CC2D2B: variants seen among roughly 807,000 people sequenced by gnomAD.
CC2D2B encodes protein CC2D2B.
A neutral mutation model predicts 161.2 loss-of-function variants in CC2D2B; 128 were observed. That is an observed-to-expected ratio of 0.79 (90% confidence interval 0.69 to 0.92). CC2D2B has a LOEUF of 0.92. CC2D2B is among the 40% of genes least tolerant of loss of function. The pLI, the probability that CC2D2B is intolerant of heterozygous loss-of-function variation, is 0.00. For missense variants in CC2D2B, 1,173 were observed against 1,375.1 expected, an observed-to-expected ratio of 0.85 and a Z score of 2.32; for synonymous variants, 391 against 449.8, an observed-to-expected ratio of 0.87 and a Z score of 1.65.
At chr10:96,008,168 C>CTT (rs56354333) in intron 25 of CC2D2B, among the ~76,000 whole-genome samples, 49,801 of 130,204 alleles carry the variant, frequency 0.38, 9,887 homozygotes, top group East Asian at 0.71. Context: ...GGTATGTGTT[C>CTT]TTTTTTTTTT....
intron 9 of CC2D2B, among the ~76,000 whole-genome samples, chr10:95,942,463 GC>G (rs1181292720): frequency 6.6e-6 from 1 of 151,844 alleles, no homozygotes; most frequent in African/African-American, 2.4e-5. Context: ...ATAATTTTCT[GC>G]CATATTTTAT....
intron 6 of CC2D2B, among the ~76,000 whole-genome samples, chr10:95,928,076 T>G (rs2098542740): frequency 6.6e-6 from 1 of 152,134 alleles, no homozygotes; most frequent in Non-Finnish European, 1.5e-5. Flanking sequence ...TTGACACCTC[T>G]TGGTCCCTCC....
intron 6 of CC2D2B, among the ~76,000 whole-genome samples, chr10:95,934,549 C>A (rs1267194289): frequency 6.6e-6 from 1 of 152,192 alleles, no homozygotes; most frequent in Non-Finnish European, 1.5e-5. Flanking sequence ...ACGTAGGCCC[C>A]CAAGGGAATC....
rs1323652282 is a variant in CC2D2B at position 96,019,460 on chromosome 10, G to A, written c.3765+123G>A. ...ATCAGATTCCCTAGGGCATGGGGCC[G>A]GGGCAATCTTTTATCACTAAAGCTC... On this transcript the variant is annotated intron_variant, in intron 31 of 34. Coordinates refer to ENST00000646931, the MANE Select transcript of CC2D2B (RefSeq NM_001349008.3). 22 of 1,057,222 alleles carry A rather than the reference G, an allele frequency of 2.1e-5. No homozygotes were observed. The East Asian group carries it at 2.7e-4, about 13-fold the overall frequency. 65.5% of individuals were successfully genotyped at this position (1,057,222 alleles called of 1,614,324 possible). A position where few individuals can be genotyped will look rare whatever the true frequency, so the allele number is the denominator to read the frequency against.
chr10:95,954,628 T>G (rs1297770182), intron 10 of CC2D2B, among the ~76,000 whole-genome samples: 1 of 152,202 alleles, frequency 6.6e-6, no homozygotes, highest in African/African-American at 2.4e-5. Context: ...ACCTTCTATT[T>G]TTAAAACCCT....
chr10:95,912,962 T>C (rs1381279389), intron 2 of CC2D2B, among the ~76,000 whole-genome samples: 1 of 152,156 alleles, frequency 6.6e-6, no homozygotes, highest in African/African-American at 2.4e-5. Context: ...TTTCTTTGTG[T>C]TATAAACATT....
At position 95,915,796 on chromosome 10, in the gene CC2D2B, C is replaced by A. The variant is rs143628450; in HGVS notation, c.36+4437C>A. 3.2e-4 allele frequency among the ~76,000 whole-genome samples: 48 copies of A among 152,158 alleles called. 1 individual carries two copies. The highest frequency in any genetic ancestry group is 1.1e-3 in the African/African-American group (45 of 41,512). ...GATCTCTTTAATATGATGTTGAATT[C>A]GGCTTGCTAGTATTTTGTTGAGGAT... On this transcript the variant is annotated intron_variant, in intron 2 of 34. Coordinates refer to ENST00000646931, the MANE Select transcript of CC2D2B (RefSeq NM_001349008.3).
At chr10:95,985,966 C>T (rs1023787129) in intron 19 of CC2D2B, among the ~76,000 whole-genome samples, 2 of 152,036 alleles carry the variant, frequency 1.3e-5, no homozygotes, top group Admixed American at 6.6e-5. Context: ...TTGGTCAGAC[C>T]GGTTGTCTGC....
intron 30 of CC2D2B, chr10:96,018,964 A>C: frequency 3.1e-6 from 1 of 326,622 alleles, no homozygotes; most frequent in Non-Finnish European, 5.6e-6. Context: ...TGTGCCCAGC[A>C]AATTAAAAAA....
At chr10:96,012,413 A>C in intron 27 of CC2D2B, 46 bp downstream of exon 27, 1 of 723,494 alleles carries the variant, frequency 1.4e-6, no homozygotes, top group South Asian at 1.7e-5. Context: ...TCAAAGAGGT[A>C]TGAACTATTT....
chr10:95,929,509 T>C (rs146211236), intron 6 of CC2D2B, among the ~76,000 whole-genome samples: 2,829 of 152,318 alleles, frequency 0.019, 35 homozygotes, highest in Middle Eastern at 0.054. Context: ...GGTTTTCTTC[T>C]AGGGTTTTTA....
chr10:95,997,169 TA>T (rs1443812122), intron 24 of CC2D2B, among the ~76,000 whole-genome samples: 3 of 152,258 alleles, frequency 2.0e-5, no homozygotes, highest in African/African-American at 7.2e-5. Context: ...AAGACATTGT[TA>T]TTTTTTTATT....
At chr10:95,986,617 G>C (rs1379748190) in intron 19 of CC2D2B, among the ~76,000 whole-genome samples, 1 of 152,082 alleles carries the variant, frequency 6.6e-6, no homozygotes, top group Non-Finnish European at 1.5e-5. Flanking sequence ...TTTTCTTTGA[G>C]ATGGAGTCTC....
At position 96,027,755 on chromosome 10, in the gene CC2D2B, T is replaced by C. The variant is rs2079844803; in HGVS notation, c.4125+366T>C. 2.0e-5 allele frequency among the ~76,000 whole-genome samples: 3 copies of C among 152,296 alleles called. No individual in the cohort carries two copies. In the South Asian group the frequency reaches 6.2e-4, roughly 32 times the overall value. ...CTGACTTCAAATTATACTATAGAGC[T>C]TTAGTAACTAAAATAGTATGGTACT... On this transcript the variant is annotated intron_variant, in intron 34 of 34. Coordinates refer to ENST00000646931, the MANE Select transcript of CC2D2B (RefSeq NM_001349008.3).
intron 34 of CC2D2B, among the ~76,000 whole-genome samples, chr10:96,029,912 G>A (rs1198667649): frequency 2.6e-5 from 4 of 151,676 alleles, no homozygotes; most frequent in Non-Finnish European, 4.4e-5. Context: ...CTGTGCTCAA[G>A]CAATCCTCCT....
chr10:96,016,425 G>A lies in CC2D2B; in HGVS notation c.3630+111G>A, dbSNP rs530061117. The A allele has an allele frequency of 4.2e-5, 30 of 711,972 alleles. No homozygotes were observed. In the African/African-American group the frequency reaches 5.1e-4, roughly 12 times the overall value. The allele number at this position is 711,972 out of a possible 1,614,324, so 44.1% of individuals were successfully genotyped here. On this transcript the variant is annotated intron_variant, in intron 30 of 34. Coordinates refer to ENST00000646931, the MANE Select transcript of CC2D2B (RefSeq NM_001349008.3). ...TTCCATCTCTTCACAAACTAATTTG[G>A]AATTTCATGGGCAAGCAATGATTAG... is the stretch of plus-strand genomic sequence containing the variant.
chr10:96,013,298 C>T (rs147730346), intron 28 of CC2D2B, among the ~76,000 whole-genome samples: 1 of 151,796 alleles, frequency 6.6e-6, no homozygotes, highest in Admixed American at 6.6e-5. Flanking sequence ...GCACATTGTA[C>T]TACCCTAATA....
At chr10:95,924,571 G>A (rs547826901) in intron 4 of CC2D2B, among the ~76,000 whole-genome samples, 181 bp downstream of exon 4, 1 of 151,968 alleles carries the variant, frequency 6.6e-6, no homozygotes, top group South Asian at 2.1e-4. Flanking sequence ...TCCTTATAAT[G>A]TCAAACCTAA....
chr10:95,928,326 C>CT (rs2098543290), intron 6 of CC2D2B, among the ~76,000 whole-genome samples: 1 of 152,058 alleles, frequency 6.6e-6, no homozygotes, highest in Non-Finnish European at 1.5e-5. Context: ...TAAAAATCAT[C>CT]TGAAATCCCA....
Sources: gnomAD v4.1 joint callset for allele counts (sites outside exome capture counted in the v4.1 genomes callset) on GRCh38, gnomAD v4.1.1 for gene constraint, MANE v1.5 for transcripts, NCBI Gene and HGNC (gene_info 2026-07-23, HGNC 2026-07-21) for gene names.